Variants in SORCS1 observed in about 807,000 individuals in gnomAD.
The protein encoded by SORCS1 is sortilin related VPS10 domain containing receptor 1, also known as VPS10 domain-containing receptor SorCS1.
Under a neutral mutation model 146.1 loss-of-function variants are expected in SORCS1, and 60 were observed. The observed-to-expected ratio is 0.41, with a 90% CI of 0.33 to 0.51. The LOEUF (loss-of-function observed/expected upper bound fraction) is 0.51, where lower values mean the gene tolerates loss of function less well. SORCS1 is among the 20% of genes least tolerant of loss of function. The pLI is 0.21. For missense variants in SORCS1, 1,352 were observed against 1,487.6 expected (o/e 0.91, Z 1.50); for synonymous variants, 637 against 584.0 (o/e 1.09, Z -1.31).
At chr10:106,624,568 C>G (rs993433880) in intron 19 of SORCS1, among the ~76,000 whole-genome samples, 1 of 151,912 alleles carries the variant, frequency 6.6e-6, no homozygotes, top group African/African-American at 2.4e-5. Flanking sequence ...ACCATGTTGG[C>G]CAGGCTGGTC....
chr10:106,630,728 C>A (rs1419133788), intron 18 of SORCS1, among the ~76,000 whole-genome samples: 2 of 151,972 alleles, frequency 1.3e-5, no homozygotes, highest in South Asian at 2.1e-4. Flanking sequence ...GACTATAAAT[C>A]AATGTAGCTA....
chr10:106,655,047 G>C (rs1850177934), intron 17 of SORCS1, among the ~76,000 whole-genome samples: 1 of 152,048 alleles, frequency 6.6e-6, no homozygotes, highest in African/African-American at 2.4e-5. Flanking sequence ...AGTAGAGATG[G>C]CATTTCACCA....
chr10:107,156,643 G>C (rs1345986179), intron 1 of SORCS1, among the ~76,000 whole-genome samples: 2 of 152,190 alleles, frequency 1.3e-5, no homozygotes. Flanking sequence ...TATAATCCTT[G>C]AGCAAGTAAA....
chr10:106,590,567 A>G (rs1845540167), intron 24 of SORCS1, among the ~76,000 whole-genome samples: 1 of 152,224 alleles, frequency 6.6e-6, no homozygotes, highest in Non-Finnish European at 1.5e-5. Context: ...ACAAGTAACT[A>G]TATGGATCAA....
intron 4 of SORCS1, among the ~76,000 whole-genome samples, chr10:106,766,021 T>C (rs1328578339): frequency 6.6e-6 from 1 of 152,140 alleles, no homozygotes; most frequent in East Asian, 1.9e-4. Context: ...AGTCTTTGGT[T>C]CATGGGACCA....
intron 1 of SORCS1, among the ~76,000 whole-genome samples, chr10:107,112,194 A>C (rs1020627216): frequency 6.6e-6 from 1 of 152,132 alleles, no homozygotes; most frequent in Non-Finnish European, 1.5e-5. Context: ...ATAATTTGTT[A>C]ATGAACACAC....
chr10:106,671,214 A>G (rs768516045), intron 16 of SORCS1, 23 bp downstream of exon 16: 3 of 1,613,866 alleles, frequency 1.9e-6, no homozygotes, highest in Non-Finnish European at 2.5e-6. Context: ...AAATGGCTCC[A>G]GGAGATAATT....
Position 106,619,778 on chromosome 10 carries a change from T to C in SORCS1, c.2796+650A>G, listed in dbSNP as rs1847615437. On this transcript the variant is annotated intron_variant, in intron 20 of 25. Transcript: ENST00000263054. ...TTTCTCATGTGCAAAATGAAAGACT[T>C]AGAGTAAACAAGGTGTTAGGTCTCT... Among the ~76,000 whole-genome samples, 5 of 152,258 alleles carry C rather than the reference T, an allele frequency of 3.3e-5. No individual in the cohort carries two copies. In the South Asian group the frequency reaches 1.0e-3, roughly 32 times the overall value.
At chr10:106,835,374 C>T (rs1948735868) in intron 2 of SORCS1, among the ~76,000 whole-genome samples, 1 of 152,216 alleles carries the variant, frequency 6.6e-6, no homozygotes, top group South Asian at 2.1e-4. Flanking sequence ...TTTTGTTACT[C>T]ATTTTCTAAC....
intron 19 of SORCS1, among the ~76,000 whole-genome samples, chr10:106,623,200 T>C (rs1319733250): frequency 2.0e-5 from 3 of 151,958 alleles, no homozygotes; most frequent in Admixed American, 6.6e-5. Context: ...CTAGAAATGC[T>C]AGTTCCATTC....
intron 3 of SORCS1, among the ~76,000 whole-genome samples, chr10:106,778,823 T>A (rs1237543652): frequency 6.6e-6 from 1 of 152,186 alleles, no homozygotes; most frequent in African/African-American, 2.4e-5. Context: ...GAATATGCTT[T>A]CCTCTTTTCC....
intron 24 of SORCS1, among the ~76,000 whole-genome samples, chr10:106,585,381 C>T (rs1209041247): frequency 6.6e-6 from 1 of 152,156 alleles, no homozygotes; most frequent in East Asian, 1.9e-4. Flanking sequence ...GTCTTTAGGG[C>T]ATGCCTGACT....
chr10:106,699,193 C>A, intron 9 of SORCS1, 21 bp downstream of exon 9: 2 of 1,587,606 alleles, frequency 1.3e-6, no homozygotes, highest in South Asian at 2.3e-5. Context: ...GGCTTAGGAC[C>A]ACATATGCCT....
intron 1 of SORCS1, among the ~76,000 whole-genome samples, chr10:107,101,637 T>C (rs1964929920): frequency 1.3e-5 from 2 of 152,172 alleles, no homozygotes. Context: ...GCTGGGATTA[T>C]AGGACTGAAC....
rs529896705 is a variant in SORCS1, at chr10:107,137,896, T to A, written c.558+26073A>T. On this transcript the variant is annotated intron_variant, in intron 1 of 25. Transcript: ENST00000263054. ...AAAAAAAAAATTCAATACTGTTAAT[T>A]TTATACGCTTTTTTAACTACTCAAT... Among the ~76,000 whole-genome samples, 3 of 152,178 alleles carry A rather than the reference T, an allele frequency of 2.0e-5. No individual in the cohort carries two copies. The South Asian group carries it at 6.2e-4, about 32-fold the overall frequency.
intron 2 of SORCS1, among the ~76,000 whole-genome samples, chr10:106,884,701 G>C (rs1446786479): frequency 6.6e-6 from 1 of 152,030 alleles, no homozygotes; most frequent in African/African-American, 2.4e-5. Flanking sequence ...ATCACCAGCG[G>C]TTGTCAATTA....
chr10:107,110,383 A>T (rs529351681), intron 1 of SORCS1, among the ~76,000 whole-genome samples: 1 of 152,328 alleles, frequency 6.6e-6, no homozygotes, highest in African/African-American at 2.4e-5. Flanking sequence ...CTTAATAGAA[A>T]GTATGGTGCA....
chr10:106,758,624 A>C (rs763323990), intron 5 of SORCS1, among the ~76,000 whole-genome samples: 1 of 152,198 alleles, frequency 6.6e-6, no homozygotes, highest in Non-Finnish European at 1.5e-5. Context: ...ACCCCCAAAA[A>C]GGGAGAGAAT....
intron 1 of SORCS1, among the ~76,000 whole-genome samples, chr10:107,153,212 C>A (rs1428892082): frequency 1.3e-5 from 2 of 151,772 alleles, no homozygotes; most frequent in African/African-American, 4.8e-5. Flanking sequence ...CTGGAGCTCT[C>A]TTTCCAATCA....
Sources: gnomAD v4.1 joint callset for allele counts (sites outside exome capture counted in the v4.1 genomes callset) on GRCh38, gnomAD v4.1.1 for gene constraint, MANE v1.5 for transcripts, NCBI Gene and HGNC (gene_info 2026-07-23, HGNC 2026-07-21) for gene names.